Variants in TRIM25 observed in about 807,000 individuals in gnomAD.
TRIM25 encodes the protein E3 ubiquitin/ISG15 ligase TRIM25.
Under a neutral mutation model 65.2 loss-of-function variants are expected in TRIM25, and 45 were observed. That is an observed-to-expected ratio of 0.69 (90% CI 0.54 to 0.89). The LOEUF is 0.89. TRIM25 is among the 40% of genes least tolerant of loss of function. The pLI is 0.00. For synonymous variants in TRIM25, 321 were observed against 340.4 expected, an observed-to-expected ratio of 0.94 and a Z score of 0.63; for missense variants, 714 against 803.7, an observed-to-expected ratio of 0.89 and a Z score of 1.35.
chr17:56,895,875 TGTGCTCG>T (rs1567838632), intron 6 of TRIM25, 44 bp downstream of exon 6: 1 of 1,602,766 alleles, frequency 6.2e-7, no homozygotes, highest in South Asian at 1.1e-5. Context: ...CATTTAGTTC[TGTGCTCG>T]GGCAGTCTCA....
At chr17:56,897,862 C>T (rs1180113557) in intron 5 of TRIM25, among the ~76,000 whole-genome samples, 2 of 152,148 alleles carry the variant, frequency 1.3e-5, no homozygotes, top group Non-Finnish European at 2.9e-5. Context: ...AAGTACCCTT[C>T]GAGGTTTTCC....
At chr17:56,892,277 C>T in intron 8 of TRIM25, 48 bp from the exon 9 acceptor site, 1 of 1,537,964 alleles carries the variant, frequency 6.5e-7, no homozygotes, top group South Asian at 1.2e-5. Context: ...GCCCAAAGTG[C>T]TCTTTTAGAC....
At chr17:56,899,007 G>A in intron 5 of TRIM25, 108 bp downstream of exon 5, 1 of 1,301,666 alleles carries the variant, frequency 7.7e-7, no homozygotes, top group Non-Finnish European at 1.1e-6. Flanking sequence ...CTTTCCCACT[G>A]AGGTCCAGGC....
chr17:56,910,581 T>C (rs1909607177), intron 1 of TRIM25, among the ~76,000 whole-genome samples: 1 of 152,228 alleles, frequency 6.6e-6, no homozygotes, highest in African/African-American at 2.4e-5. Context: ...TTTGAAAGAT[T>C]TGATACACCA....
chr17:56,909,413 A>C (rs1156881656), intron 1 of TRIM25, among the ~76,000 whole-genome samples: 1 of 152,138 alleles, frequency 6.6e-6, no homozygotes, highest in Non-Finnish European at 1.5e-5. Flanking sequence ...AGCCAGGCGC[A>C]GTGGCTCATG....
At chr17:56,906,048 G>A (rs995607079) in intron 2 of TRIM25, among the ~76,000 whole-genome samples, 1 of 152,232 alleles carries the variant, frequency 6.6e-6, no homozygotes, top group Middle Eastern at 3.2e-3. Context: ...CTGTATTTCT[G>A]CTGGACAGCA....
chr17:56,901,356 T>C lies in TRIM25; in HGVS notation c.1087+63A>G, dbSNP rs1190382779. On this transcript the variant is annotated intron_variant, in intron 4 of 8. Transcript: ENST00000316881. ...CGCCCCAATCTCCCATCCCAAAACATTTAGGGGACCCATCGGGTTGCAGGG... is the reference window on the plus strand; with the variant it reads ...CGCCCCAATCTCCCATCCCAAAACACTTAGGGGACCCATCGGGTTGCAGGG... 3.2e-6 allele frequency: 5 copies of C among 1,546,056 alleles called. No homozygotes were observed. The East Asian group carries it at 6.8e-5, about 21-fold the overall frequency.
rs767403235 is a variant in TRIM25 at position 56,913,880 on chromosome 17, G to C, written c.109C>G (p.Leu37Val). The C allele has an allele frequency of 2.2e-5, 35 of 1,561,748 alleles. No homozygotes were observed. The South Asian group carries it at 3.8e-4, about 17-fold the overall frequency. ...CCCTGGACTGCCCACGTCTCATTCA[G>C]GCACGACCCGCAGAAGTTGTGGCCG... The part of the protein sequence containing the change: ...PCGHNFCGSC[L>V]NETWAVQGSP... Residue 37 changes from leucine (L) to valine (V), a missense_variant, in exon 1 of 9, where the codon CTG becomes GTG. Transcript: ENST00000316881. The surrounding 1 kb of genome is among the most constrained non-coding windows in gnomAD (Gnocchi z 6.1).
intron 2 of TRIM25, among the ~76,000 whole-genome samples, chr17:56,905,080 G>C (rs1242131158): frequency 6.6e-6 from 1 of 152,182 alleles, no homozygotes; most frequent in Non-Finnish European, 1.5e-5. Context: ...ACAGATGGGA[G>C]GGGCTGCATC....
chr17:56,898,252 C>T (rs1418581004), intron 5 of TRIM25, among the ~76,000 whole-genome samples: 1 of 151,830 alleles, frequency 6.6e-6, no homozygotes. Context: ...GGTATATGGA[C>T]ATGTCAGCAG....
Position 56,895,574 on chromosome 17 carries a change from G to A in TRIM25, c.1211C>T (p.Pro404Leu), listed in dbSNP as rs769418618. Residue 404 changes from proline (P) to leucine (L), a missense_variant, in exon 7 of 9, where the codon CCC (proline) becomes CTC (leucine). Around this residue, in one of 3 missense-constraint regions of TRIM25, gnomAD observed 413 missense variants for 498.2 expected, o/e 0.83. Coordinates refer to ENST00000316881, the MANE Select transcript of TRIM25 (RefSeq NM_005082.5). ...TAACTGTTCCGGGGCTCCAAACGTG[G>A]GAAGCTTGCTGGGTAAGGCAGGGAC... The part of the protein sequence containing the change: ...PPVPALPSKL[P>L]TFGAPEQLVD... The A allele has an allele frequency of 3.8e-6, 6 of 1,577,546 alleles. No individual in the cohort carries two copies. In the East Asian group the frequency reaches 1.3e-4, roughly 35 times the overall value.
chr17:56,913,125 G>A lies in TRIM25; in HGVS notation c.597+267C>T. 3.1e-6 allele frequency: 1 copy of A among 319,390 alleles called. No homozygotes were observed. The allele number at this position is 319,390 out of a possible 1,614,324, so 19.8% of individuals were successfully genotyped here. On this transcript the variant is annotated intron_variant, in intron 1 of 8. Coordinates refer to ENST00000316881, the MANE Select transcript of TRIM25 (RefSeq NM_005082.5). The surrounding 1 kb of genome is among the most constrained non-coding windows in gnomAD (Gnocchi z 6.1). Reference sequence around the variant, plus strand: ...ACTGCACTCCAGCTTGGGTGAGAGGGACGAGACCCTGTCTCAAAAAAATAA... The same window carrying A: ...ACTGCACTCCAGCTTGGGTGAGAGGAACGAGACCCTGTCTCAAAAAAATAA...
chr17:56,891,890 GTT>G lies in TRIM25; in HGVS notation c.1701_1702del (p.Lys567AsnfsTer17). The G allele has an allele frequency of 6.2e-7, 1 of 1,614,246 alleles. No homozygotes were observed. The highest frequency in any genetic ancestry group is 8.5e-7 in the Non-Finnish European group (1 of 1,180,048). ...CCGCGTGGCCTTGGTGGAGGGCAGG[GTT>G]TTCTCCACGTTATTGTGCCAGGCAG... On this transcript the variant is annotated frameshift_variant, in exon 9 of 9. Coordinates refer to ENST00000316881, the MANE Select transcript of TRIM25 (RefSeq NM_005082.5). LOFTEE classifies it high-confidence loss of function.
intron 1 of TRIM25, chr17:56,912,305 A>C (rs1909645564): frequency 6.6e-6 from 1 of 152,276 alleles, no homozygotes; most frequent in Admixed American, 6.5e-5. Flanking sequence ...GCAGACCTGA[A>C]AGGCCCTTAG....
chr17:56,894,845 A>C (rs1366786523), intron 8 of TRIM25, among the ~76,000 whole-genome samples: 1 of 152,222 alleles, frequency 6.6e-6, no homozygotes, highest in Non-Finnish European at 1.5e-5. Context: ...TGCGATGTCA[A>C]TAACAGAGCA....
chr17:56,908,534 C>T lies in TRIM25; in HGVS notation c.627G>A (p.Met209Ile), dbSNP rs1909565889. ...TCGACGCCCCGTTGATCTGACTGTA[C>T]ATGACAGTTAGTTTGTGCCTCAGGG... ...EATLRHKLTVMYSQINGASRA... is the reference protein window; with the variant it reads ...EATLRHKLTVIYSQINGASRA... The change falls in exon 2 of 9, where the codon ATG becomes ATA. Residue 209 changes from methionine to isoleucine, a missense_variant. This residue lies in a region of TRIM25 where 291 missense variants were observed against 281.8 expected (regional missense o/e 1.03). Coordinates refer to ENST00000316881, the MANE Select transcript of TRIM25 (RefSeq NM_005082.5). 3 of 1,614,062 alleles carry T rather than the reference C, an allele frequency of 1.9e-6. No homozygotes were observed. The highest frequency in any genetic ancestry group is 2.5e-6 in the Non-Finnish European group (3 of 1,180,022).
chr17:56,891,008 C>A lies in TRIM25; in HGVS notation c.*692G>T. 2.3e-6 allele frequency: 1 copy of A among 428,212 alleles called. No individual in the cohort carries two copies. The highest frequency in any genetic ancestry group is 1.6e-5 in the South Asian group (1 of 61,298). The allele number at this position is 428,212 out of a possible 1,614,324, so 26.5% of individuals were successfully genotyped here. A position where few individuals can be genotyped will look rare whatever the true frequency, so the allele number is the denominator to read the frequency against. ...AAATCCAACACAGGCTGATTCCAATCATGGTTTGAAGCTTTAGCTGAAAAG... is the reference window on the plus strand; with the variant it reads ...AAATCCAACACAGGCTGATTCCAATAATGGTTTGAAGCTTTAGCTGAAAAG... On this transcript the variant is annotated 3_prime_UTR_variant, in exon 9 of 9. Transcript: ENST00000316881.
intron 6 of TRIM25, 138 bp from the exon 7 acceptor site, chr17:56,895,742 C>A: frequency 3.4e-6 from 4 of 1,188,002 alleles, no homozygotes; most frequent in Non-Finnish European, 4.7e-6. Context: ...AGGCTAAAGT[C>A]ACCTTATTCA....
chr17:56,904,359 CA>C lies in TRIM25; in HGVS notation c.822del (p.Phe274LeufsTer18), dbSNP rs1198834066. 6.2e-7 allele frequency: 1 copy of C among 1,614,038 alleles called. No individual in the cohort carries two copies. The highest frequency in any genetic ancestry group is 1.3e-5 in the African/African-American group (1 of 74,928). Reference protein sequence around the residue: ...KEEEKRVNSKFDTIYQILLKK... With the variant: ...KEEEKRVNSKXDTIYQILLKK... ...TTGAGGAGAATCTGATAAATGGTGT[CA>C]AACTTGCTGTTGACCCTCTTCTCCT... On this transcript the variant is annotated frameshift_variant, in exon 3 of 9. Transcript: ENST00000316881. LOFTEE classifies it high-confidence loss of function.
Sources: gnomAD v4.1 joint callset for allele counts (sites outside exome capture counted in the v4.1 genomes callset) on GRCh38, gnomAD v4.1.1 for gene constraint, gnomAD v4.1.1 regional missense constraint, Gnocchi (gnomAD v3.1) non-coding constraint, MANE v1.5 for transcripts, NCBI Gene and HGNC (gene_info 2026-07-23, HGNC 2026-07-21) for gene names.